Variants in ADRM1 observed in about 807,000 individuals in gnomAD.
ADRM1 encodes the protein ADRM1 26S proteasome ubiquitin receptor, also known as proteasomal ubiquitin receptor ADRM1.
A neutral mutation model predicts 40.1 loss-of-function variants in ADRM1; 2 were observed. The ratio of observed to expected loss-of-function variants is 0.05; its 90% CI spans 0.02 to 0.16. The LOEUF is 0.16. ADRM1 is among the 10% of genes least tolerant of loss of function. ADRM1 has a pLI of 1.00. For synonymous variants in ADRM1, 287 were observed against 240.4 expected (o/e 1.19, Z -1.79); for missense variants, 467 against 552.5 (o/e 0.85, Z 1.55).
At chr20:62,305,069 G>C (rs1386661592) in intron 3 of ADRM1, among the ~76,000 whole-genome samples, 1 of 152,266 alleles carries the variant, frequency 6.6e-6, no homozygotes, top group Non-Finnish European at 1.5e-5. Flanking sequence ...TTTGGGTCTA[G>C]AGGCCGCTGC....
rs1985068946 is a variant in ADRM1 at position 62,306,880 on chromosome 20, C to T, written c.541+146C>T. The T allele has an allele frequency of 9.5e-6, 8 of 838,206 alleles. 1 individual carries two copies. Among genetic ancestry groups the T allele is most frequent in the South Asian group, 1.8e-5 (1 of 56,082 alleles). The allele number at this position is 838,206 out of a possible 1,614,324, so 51.9% of individuals were successfully genotyped here. On this transcript the variant is annotated intron_variant, in intron 5 of 9. Transcript: ENST00000253003. Reference sequence around the variant, plus strand: ...GCAAGCTGGTTCCCCTTTGGGAATGCGCTTGTTTGCCTGTGGCTAGAGCTG... The same window carrying T: ...GCAAGCTGGTTCCCCTTTGGGAATGTGCTTGTTTGCCTGTGGCTAGAGCTG...
intron 5 of ADRM1, among the ~76,000 whole-genome samples, 169 bp downstream of exon 5, chr20:62,306,903 C>T (rs1386319931): frequency 1.3e-5 from 2 of 152,202 alleles, no homozygotes; most frequent in Non-Finnish European, 2.9e-5. Flanking sequence ...GTGGCTAGAG[C>T]TGGGTAGGCG....
intron 2 of ADRM1, 69 bp from the exon 3 acceptor site, chr20:62,304,392 A>C (rs1568868267): frequency 1.5e-6 from 2 of 1,377,204 alleles, no homozygotes; most frequent in East Asian, 4.7e-5. Flanking sequence ...AGGGCTCAGT[A>C]CGCTCTCCTG....
In ADRM1 at chr20:62,308,603, C is replaced by T; in HGVS notation, c.1118-52C>T. Reference sequence around the variant, plus strand: ...TGCCCTTGATCCCATCGCTTTGATCCCCAGTTCTGGGCAAGGGTTAGACAC... The same window carrying T: ...TGCCCTTGATCCCATCGCTTTGATCTCCAGTTCTGGGCAAGGGTTAGACAC... On this transcript the variant is annotated intron_variant, in intron 9 of 9. Coordinates refer to ENST00000253003, the MANE Select transcript of ADRM1 (RefSeq NM_007002.4). The T allele has an allele frequency of 2.5e-6, 4 of 1,603,846 alleles. No homozygotes were observed. In the South Asian group the frequency reaches 4.4e-5, roughly 18 times the overall value.
rs779520624 is a variant in ADRM1, at chr20:62,308,698, C to T, written c.1161C>T (p.Pro387=). 19 of 1,612,770 alleles carry T rather than the reference C, an allele frequency of 1.2e-5. No homozygotes were observed. Among genetic ancestry groups the T allele is most frequent in the Non-Finnish European group, 1.5e-5 (18 of 1,179,848 alleles). The change falls in exon 10 of 10, where the codon CCC becomes CCT. Residue 387 remains proline (P), a synonymous_variant. Transcript: ENST00000253003. ...FAKAMQNNAK[P]EQKEGDTKDK... ...AAGCCATGCAGAACAACGCCAAGCC[C>T]GAGCAGAAAGAGGGCGACACGAAGG...
chr20:62,308,838 T>G lies in ADRM1; in HGVS notation c.*77T>G. The G allele has an allele frequency of 6.5e-7, 1 of 1,549,436 alleles. No homozygotes were observed. Among genetic ancestry groups the G allele is most frequent in the African/African-American group, 1.4e-5 (1 of 72,598 alleles). Reference sequence around the variant, plus strand: ...TCACCTCCCACCCACTGATTATTAATAAAGTCTTTTCTTTTACCTGCCAAT... The same window carrying G: ...TCACCTCCCACCCACTGATTATTAAGAAAGTCTTTTCTTTTACCTGCCAAT... On this transcript the variant is annotated 3_prime_UTR_variant, in exon 10 of 10. Transcript: ENST00000253003.
chr20:62,307,697 C>T lies in ADRM1; in HGVS notation c.725C>T (p.Pro242Leu), dbSNP rs768360669. The change falls in exon 7 of 10, where the codon CCG becomes CTG. Residue 242 changes from proline to leucine, a missense_variant. Coordinates refer to ENST00000253003, the MANE Select transcript of ADRM1 (RefSeq NM_007002.4). ...SAPAAASATS[P>L]SPAPSSGNGA... The stretch of plus-strand genomic sequence containing the variant: ...CCAGCAGCTGCCTCAGCAACTAGCC[C>T]GAGCCCCGCGCCCAGTTCCGGGAAT... 24 of 1,612,086 alleles carry T rather than the reference C, an allele frequency of 1.5e-5. No individual in the cohort carries two copies. Among genetic ancestry groups the T allele is most frequent in the South Asian group, 2.2e-5 (2 of 91,048 alleles).
chr20:62,304,283 G>A lies in ADRM1; in HGVS notation c.214-178G>A, dbSNP rs181110551. 5.8e-5 allele frequency: 34 copies of A among 591,126 alleles called. No homozygotes were observed. In the Middle Eastern group the frequency reaches 1.4e-3, roughly 24 times the overall value. The allele number at this position is 591,126 out of a possible 1,614,324, so 36.6% of individuals were successfully genotyped here. On this transcript the variant is annotated intron_variant, in intron 2 of 9. Coordinates refer to ENST00000253003, the MANE Select transcript of ADRM1 (RefSeq NM_007002.4). ...TCTCTCCCCCGGCCTTGCCTTTCAT[G>A]GGCTGTCTCTGACCCTGGCTTCTCT...
Position 62,307,594 on chromosome 20 carries a change from A to G in ADRM1, c.624-2A>G. ...CTCCAGCGGTGCCCTCTCTCTTCGC[A>G]GCTCCCGGAGCCAGTCGGCAGCGGT... is the stretch of plus-strand genomic sequence containing the variant. On this transcript the variant is annotated splice_acceptor_variant, in intron 6 of 9. Transcript: ENST00000253003. LOFTEE classifies it high-confidence loss of function. 1 of 1,609,648 alleles carries G rather than the reference A, an allele frequency of 6.2e-7. No individual in the cohort carries two copies. Among genetic ancestry groups the G allele is most frequent in the Non-Finnish European group, 8.5e-7 (1 of 1,179,212 alleles).
intron 3 of ADRM1, among the ~76,000 whole-genome samples, chr20:62,304,814 A>G (rs1403787778): frequency 2.0e-5 from 3 of 152,222 alleles, no homozygotes; most frequent in Non-Finnish European, 4.4e-5. Flanking sequence ...TGAAATTTCC[A>G]GGCAGACAGA....
intron 5 of ADRM1, 54 bp from the exon 6 acceptor site, chr20:62,307,315 GCT>G: frequency 1.3e-6 from 2 of 1,523,888 alleles, no homozygotes; most frequent in Non-Finnish European, 1.8e-6. Flanking sequence ...GAGGGGCCAG[GCT>G]CTTTCTGGTG....
chr20:62,306,421 T>C, intron 4 of ADRM1, 101 bp downstream of exon 4: 2 of 1,585,230 alleles, frequency 1.3e-6, no homozygotes, highest in South Asian at 1.1e-5. Flanking sequence ...GAAGTGGAAA[T>C]AGAAGATTCT....
intron 9 of ADRM1, 45 bp downstream of exon 9, chr20:62,308,515 G>A (rs1196221340): frequency 1.3e-6 from 2 of 1,565,128 alleles, no homozygotes; most frequent in Admixed American, 3.8e-5. Flanking sequence ...CAGGGGCAGG[G>A]TCCATTCCTG....
chr20:62,307,201 G>GC (rs1985140909), intron 5 of ADRM1, among the ~76,000 whole-genome samples, 170 bp from the exon 6 acceptor site: 1 of 152,210 alleles, frequency 6.6e-6, no homozygotes, highest in African/African-American at 2.4e-5. Flanking sequence ...GAACACAGCC[G>GC]CAAGTGTCCA....
intron 6 of ADRM1, 65 bp downstream of exon 6, chr20:62,307,517 G>C (rs950564491): frequency 1.9e-6 from 3 of 1,599,076 alleles, no homozygotes; most frequent in Non-Finnish European, 2.6e-6. Context: ...GGGGAATCCT[G>C]GCCCAGCACC....
At chr20:62,305,851 T>G in intron 3 of ADRM1, 1 of 268,242 alleles carries the variant, frequency 3.7e-6, no homozygotes. Flanking sequence ...GAGACGGGTG[T>G]GTAAAGAACC....
At chr20:62,306,844 C>A in intron 5 of ADRM1, 110 bp downstream of exon 5, 3 of 1,079,468 alleles carry the variant, frequency 2.8e-6, no homozygotes, top group African/African-American at 1.6e-5. Context: ...TGTCGGGGAG[C>A]CTGTGTGTCC....
intron 3 of ADRM1, among the ~76,000 whole-genome samples, chr20:62,305,091 T>C (rs77622922): frequency 0.016 from 2,376 of 152,356 alleles, 30 homozygotes; most frequent in Non-Finnish European, 0.023. Flanking sequence ...CATTCTGCCA[T>C]CTGTCAGTGA....
chr20:62,304,248 C>G, intron 2 of ADRM1: 1 of 569,226 alleles, frequency 1.8e-6, no homozygotes, highest in Non-Finnish European at 3.2e-6. Flanking sequence ...TGAAAGGCCC[C>G]TTTCCCTGCT....
Sources: allele counts gnomAD v4.1 joint callset (sites outside exome capture counted in the v4.1 genomes callset), GRCh38; gene constraint gnomAD v4.1.1; transcripts MANE v1.5; gene names NCBI Gene and HGNC (gene_info 2026-07-23, HGNC 2026-07-21).